The following EFEMP1 variants were observed in gnomAD, a reference collection of about 807,000 sequenced individuals.
EFEMP1 encodes EGF-like fibulin extracellular matrix protein 1.
In EFEMP1, 18 loss-of-function variants were observed where a neutral mutation model predicts 65.7. The observed-to-expected ratio is 0.27, with a 90% CI of 0.19 to 0.41. EFEMP1 has a LOEUF of 0.41. Ranked by LOEUF, EFEMP1 falls within the 10% of genes least tolerant of loss-of-function variation. The probability of loss-of-function intolerance (pLI) is 1.00; values close to 1 mark genes in which losing one functional copy is unlikely to be tolerated. For synonymous variants in EFEMP1, 237 were observed against 219.7 expected, an observed-to-expected ratio of 1.08 and a Z score of -0.70; for missense variants, 469 against 624.8, an observed-to-expected ratio of 0.75 and a Z score of 2.66.
intron 5 of EFEMP1, among the ~76,000 whole-genome samples, chr2:55,893,984 T>C (rs1669724637): frequency 6.6e-6 from 1 of 152,106 alleles, no homozygotes; most frequent in Admixed American, 6.5e-5. Context: ...ATTAGGAAAA[T>C]TGAAAACATT....
rs1444444756 is a variant in EFEMP1 at position 55,870,921 on chromosome 2, G to C, written c.1125-6C>G. 5.0e-6 allele frequency: 8 copies of C among 1,613,732 alleles called. No individual in the cohort carries two copies. Among genetic ancestry groups the C allele is most frequent in the Middle Eastern group, 1.6e-4 (1 of 6,062 alleles). The stretch of plus-strand genomic sequence containing the variant: ...AGACTGGGCAAACACATCGGCTGCA[G>C]AGACAAACAAAAGTATTCAGCAGTT... On this transcript the variant is annotated splice_polypyrimidine_tract_variant and splice_region_variant and intron_variant, in intron 10 of 11. Transcript: ENST00000355426. The surrounding 1 kb of genome is among the most constrained non-coding windows in gnomAD (Gnocchi z 5.8).
At chr2:55,894,287 T>A (rs903907125) in intron 5 of EFEMP1, among the ~76,000 whole-genome samples, 1 of 152,202 alleles carries the variant, frequency 6.6e-6, no homozygotes, top group South Asian at 2.1e-4. Context: ...ATTTATTTAT[T>A]TTTTTGAGAA....
Position 55,923,010 on chromosome 2 carries a change from G to C in EFEMP1, c.-48-71C>G. On this transcript the variant is annotated intron_variant, in intron 1 of 11. Transcript: ENST00000355426. This position sits in a 1 kb window ranked among gnomAD's most constrained non-coding sequence, Gnocchi z 5.3. ...TAAACAAAATAACAAAACAAAACTC[G>C]GAGAGCAATCTTCCAGTTCTAGTAG... 3.1e-6 allele frequency: 3 copies of C among 981,138 alleles called. No individual in the cohort carries two copies. Among genetic ancestry groups the C allele is most frequent in the Non-Finnish European group, 3.7e-6 (3 of 819,048 alleles). The allele number at this position is 981,138 out of a possible 1,614,324, so 60.8% of individuals were successfully genotyped here.
Position 55,886,079 on chromosome 2 carries a change from A to G in EFEMP1, c.518-4345T>C, listed in dbSNP as rs139267160. On this transcript the variant is annotated intron_variant, in intron 5 of 11. Coordinates refer to ENST00000355426, the MANE Select transcript of EFEMP1 (RefSeq NM_001039348.3). This position sits in a 1 kb window ranked among gnomAD's most constrained non-coding sequence, Gnocchi z 4.0. ...ATTTGTGCTGCTTTTGGTTTAAGAAATAATTTAGAACTACTTTTGAATAAG... is the reference window on the plus strand; with the variant it reads ...ATTTGTGCTGCTTTTGGTTTAAGAAGTAATTTAGAACTACTTTTGAATAAG... 3.7e-4 allele frequency among the ~76,000 whole-genome samples: 56 copies of G among 152,336 alleles called. No individual in the cohort carries two copies. The highest frequency in any genetic ancestry group is 1.2e-3 in the African/African-American group (49 of 41,580).
intron 9 of EFEMP1, among the ~76,000 whole-genome samples, chr2:55,874,670 G>A (rs925532179): frequency 6.6e-6 from 1 of 152,102 alleles, no homozygotes; most frequent in Middle Eastern, 3.4e-3. Context: ...TGGATGATTT[G>A]AAGATGTATC....
At chr2:55,876,524 G>C in intron 8 of EFEMP1, 99 bp downstream of exon 8, 1 of 1,521,320 alleles carries the variant, frequency 6.6e-7, no homozygotes, top group Non-Finnish European at 9.0e-7. Context: ...GAATTCCCAT[G>C]GGTAAGCGTT....
intron 5 of EFEMP1, among the ~76,000 whole-genome samples, chr2:55,915,628 T>G (rs990192540): frequency 5.9e-5 from 9 of 151,308 alleles, no homozygotes; most frequent in African/African-American, 1.9e-4. Flanking sequence ...ATTTATCTGG[T>G]TTTTTTTTCT....
chr2:55,909,456 C>T (rs1441542612), intron 5 of EFEMP1, among the ~76,000 whole-genome samples: 2 of 152,146 alleles, frequency 1.3e-5, no homozygotes, highest in African/African-American at 4.8e-5. Flanking sequence ...CAGAAACACA[C>T]TGTTTCTGGG....
At chr2:55,874,533 C>T (rs757317286) in intron 9 of EFEMP1, among the ~76,000 whole-genome samples, 12 of 152,102 alleles carry the variant, frequency 7.9e-5, no homozygotes, top group South Asian at 2.1e-4. Context: ...TACATTCTTA[C>T]GCAATTTATA....
intron 6 of EFEMP1, among the ~76,000 whole-genome samples, chr2:55,879,685 A>G (rs7581441): frequency 6.6e-6 from 1 of 150,618 alleles, no homozygotes; most frequent in Non-Finnish European, 1.5e-5. Context: ...AAAGGAGTGT[A>G]TGGGACACAG....
intron 5 of EFEMP1, among the ~76,000 whole-genome samples, chr2:55,888,334 C>CTTTTTTT (rs71713705): frequency 1.2e-4 from 14 of 114,298 alleles, no homozygotes; most frequent in African/African-American, 2.2e-4. Flanking sequence ...CCTTCTTAAA[C>CTTTTTTT]TTTTTTTTTT....
chr2:55,886,567 G>T lies in EFEMP1; in HGVS notation c.518-4833C>A, dbSNP rs1483162148. Reference sequence around the variant, plus strand: ...AAGTAGAAAAATGGTCAAGGTAAAGGATTCATGTTTGTTAGAAGGAAGAGC... The same window carrying T: ...AAGTAGAAAAATGGTCAAGGTAAAGTATTCATGTTTGTTAGAAGGAAGAGC... On this transcript the variant is annotated intron_variant, in intron 5 of 11. Coordinates refer to ENST00000355426, the MANE Select transcript of EFEMP1 (RefSeq NM_001039348.3). This position sits in a 1 kb window ranked among gnomAD's most constrained non-coding sequence, Gnocchi z 4.0. Among the ~76,000 whole-genome samples, 4 of 152,116 alleles carry T rather than the reference G, an allele frequency of 2.6e-5. No homozygotes were observed. Among genetic ancestry groups the T allele is most frequent in the African/African-American group, 7.2e-5 (3 of 41,436 alleles).
At chr2:55,887,834 A>T (rs954282657) in intron 5 of EFEMP1, among the ~76,000 whole-genome samples, 1 of 152,204 alleles carries the variant, frequency 6.6e-6, no homozygotes, top group Non-Finnish European at 1.5e-5. Context: ...GTGTCCTAGA[A>T]GCCCTTGGCA....
At chr2:55,880,648 C>T (rs1469393066) in intron 6 of EFEMP1, among the ~76,000 whole-genome samples, 3 of 152,330 alleles carry the variant, frequency 2.0e-5, no homozygotes, top group South Asian at 4.1e-4. Context: ...TCCCCACATC[C>T]TCACCCTCTG....
chr2:55,904,281 A>G (rs1003472230), intron 5 of EFEMP1, among the ~76,000 whole-genome samples: 1 of 152,218 alleles, frequency 6.6e-6, no homozygotes, highest in Non-Finnish European at 1.5e-5. Context: ...AGCATGCAGT[A>G]TATATTTTTT....
In EFEMP1 at chr2:55,881,604, G is replaced by T. The variant is rs1669242667; in HGVS notation, c.640+8C>A. The T allele has an allele frequency of 5.6e-6, 9 of 1,613,376 alleles. No homozygotes were observed. Among genetic ancestry groups the T allele is most frequent in the Non-Finnish European group, 7.6e-6 (9 of 1,179,872 alleles). ...ACAGGACCGTGCTCACTGCACTGTG[G>T]TACTTACCTACGCACTGCTCCCCTC... On this transcript the variant is annotated splice_region_variant and intron_variant, in intron 6 of 11. Coordinates refer to ENST00000355426, the MANE Select transcript of EFEMP1 (RefSeq NM_001039348.3).
In EFEMP1 at chr2:55,923,578, C is replaced by T. The variant is rs1386716826; in HGVS notation, c.-49+133G>A. ...TGCACACCTCCACCTCCCTCTCTGC[C>T]CGAGACACCCTGCACAGTCCAGGGC... is the stretch of plus-strand genomic sequence containing the variant. On this transcript the variant is annotated intron_variant, in intron 1 of 11. Transcript: ENST00000355426. The surrounding 1 kb of genome is among the most constrained non-coding windows in gnomAD (Gnocchi z 5.3). 1.0e-6 allele frequency: 1 copy of T among 984,882 alleles called. No individual in the cohort carries two copies. The highest frequency in any genetic ancestry group is 1.2e-6 in the Non-Finnish European group (1 of 829,492). The allele number at this position is 984,882 out of a possible 1,614,324, so 61.0% of individuals were successfully genotyped here. A position where few individuals can be genotyped will look rare whatever the true frequency, so the allele number is the denominator to read the frequency against.
intron 5 of EFEMP1, among the ~76,000 whole-genome samples, chr2:55,894,275 T>C (rs1669734508): frequency 6.6e-6 from 1 of 152,170 alleles, no homozygotes; most frequent in Admixed American, 6.5e-5. Flanking sequence ...GCAGCAACTT[T>C]TATTTATTTA....
intron 9 of EFEMP1, among the ~76,000 whole-genome samples, chr2:55,872,865 C>T (rs1668868970): frequency 6.6e-6 from 1 of 152,014 alleles, no homozygotes; most frequent in Non-Finnish European, 1.5e-5. Flanking sequence ...ACAGGGAAAA[C>T]TAATACTTAT....
Sources: gnomAD v4.1 joint callset for allele counts (sites outside exome capture counted in the v4.1 genomes callset) on GRCh38, gnomAD v4.1.1 for gene constraint, Gnocchi (gnomAD v3.1) non-coding constraint, MANE v1.5 for transcripts, NCBI Gene and HGNC (gene_info 2026-07-23, HGNC 2026-07-21) for gene names.